DYNC1LI1: variants seen among roughly 807,000 people sequenced by gnomAD.
The protein encoded by DYNC1LI1 is dynein cytoplasmic 1 light intermediate chain 1.
In DYNC1LI1, 19 loss-of-function variants were observed where a neutral mutation model predicts 63.8. The observed-to-expected ratio is 0.30, with a 90% CI of 0.21 to 0.44. The LOEUF (loss-of-function observed/expected upper bound fraction) is 0.44, where lower values mean the gene tolerates loss of function less well. Among genes scored for constraint, DYNC1LI1 ranks in the 20% least tolerant of loss-of-function variants. The pLI is 1.00. For synonymous variants in DYNC1LI1, 225 were observed against 232.3 expected (o/e 0.97, Z 0.28); for missense variants, 565 against 630.2 (o/e 0.90, Z 1.11).
chr3:32,534,038 G>A lies in DYNC1LI1; in HGVS notation c.968+473C>T, dbSNP rs1032701596. On this transcript the variant is annotated intron_variant, in intron 7 of 12. Transcript: ENST00000273130. The stretch of plus-strand genomic sequence containing the variant: ...ACTACAGGTGTGCACCACCACACCC[G>A]GGCTAATTTTTGTATTTTTCATTAG... 5.9e-5 allele frequency among the ~76,000 whole-genome samples: 9 copies of A among 151,844 alleles called. No homozygotes were observed. The East Asian group carries it at 7.8e-4, about 13-fold the overall frequency.
Position 32,537,927 on chromosome 3 carries a change from A to AAATATATATAATT in DYNC1LI1, c.739-824_739-823insAATTATATATATT, listed in dbSNP as rs1559436136. Among the ~76,000 whole-genome samples the AAATATATATAATT allele has an allele frequency of 1.7e-3, 58 of 33,254 alleles. 3 individuals are homozygous for AAATATATATAATT. Among genetic ancestry groups the AAATATATATAATT allele is most frequent in the Admixed American group, 3.4e-3 (6 of 1,756 alleles). 21.8% of individuals were successfully genotyped at this position (33,254 alleles called of 152,430 possible). On this transcript the variant is annotated intron_variant, in intron 5 of 12. Coordinates refer to ENST00000273130, the MANE Select transcript of DYNC1LI1 (RefSeq NM_016141.4). ...TATATATATATAATTTATATATATA[A>AAATATATATAATT]TATATATATAATATATATATAATTT...
chr3:32,551,421 A>G (rs987781229), intron 2 of DYNC1LI1, among the ~76,000 whole-genome samples: 1 of 152,198 alleles, frequency 6.6e-6, no homozygotes, highest in Non-Finnish European at 1.5e-5. Flanking sequence ...GGGGAAAGGA[A>G]GCAAAAGGTG....
At chr3:32,553,672 T>A (rs1213426741) in intron 2 of DYNC1LI1, among the ~76,000 whole-genome samples, 1 of 152,178 alleles carries the variant, frequency 6.6e-6, no homozygotes, top group East Asian at 1.9e-4. Flanking sequence ...CATACAGCAG[T>A]GAACACTTAC....
At chr3:32,542,408 ATTTTTTTT>A (rs35822448) in intron 4 of DYNC1LI1, among the ~76,000 whole-genome samples, 4 of 133,730 alleles carry the variant, frequency 3.0e-5, no homozygotes. Flanking sequence ...GCTATTTTCA[ATTTTTTTT>A]TTTTTTTTTT....
intron 7 of DYNC1LI1, among the ~76,000 whole-genome samples, 178 bp from the exon 8 acceptor site, chr3:32,533,275 G>C (rs1336813298): frequency 6.6e-6 from 1 of 152,028 alleles, no homozygotes; most frequent in African/African-American, 2.4e-5. Flanking sequence ...TGAAAGCCTG[G>C]GCAACATGCC....
chr3:32,562,225 C>T (rs1403630470), intron 2 of DYNC1LI1, among the ~76,000 whole-genome samples: 2 of 151,826 alleles, frequency 1.3e-5, no homozygotes, highest in Non-Finnish European at 1.5e-5. Context: ...ATTACACTAC[C>T]GCACTCCAGC....
rs1697799562 is a variant in DYNC1LI1 at position 32,537,913 on chromosome 3, AATT to A, written c.739-812_739-810del. Among the ~76,000 whole-genome samples the A allele has an allele frequency of 4.1e-5, 3 of 72,792 alleles. 1 individual carries two copies. The highest frequency in any genetic ancestry group is 2.0e-4 in the African/African-American group (3 of 14,662). 47.8% of individuals were successfully genotyped at this position (72,792 alleles called of 152,430 possible). A position where few individuals can be genotyped will look rare whatever the true frequency, so the allele number is the denominator to read the frequency against. On this transcript the variant is annotated intron_variant, in intron 5 of 12. Coordinates refer to ENST00000273130, the MANE Select transcript of DYNC1LI1 (RefSeq NM_016141.4). ...ATTTATATATATAATATATATATAT[AATT>A]TATATATATAATATATATATAATAT...
intron 2 of DYNC1LI1, among the ~76,000 whole-genome samples, chr3:32,559,248 T>C (rs1197698878): frequency 6.6e-6 from 1 of 151,640 alleles, no homozygotes; most frequent in Non-Finnish European, 1.5e-5. Context: ...ATATAGTTTT[T>C]GTGTGTGTGT....
intron 2 of DYNC1LI1, among the ~76,000 whole-genome samples, chr3:32,556,804 G>A (rs186163319): frequency 6.6e-6 from 1 of 152,222 alleles, no homozygotes; most frequent in East Asian, 1.9e-4. Context: ...AAAATGTTAT[G>A]GTAACAGTCA....
chr3:32,550,949 T>C (rs1390475950), intron 2 of DYNC1LI1, among the ~76,000 whole-genome samples: 2 of 151,262 alleles, frequency 1.3e-5, no homozygotes, highest in Non-Finnish European at 2.9e-5. Context: ...TCAAGTGAGA[T>C]CCCATCTCTA....
chr3:32,530,036 A>G (rs1006885893), intron 10 of DYNC1LI1, among the ~76,000 whole-genome samples: 5 of 152,184 alleles, frequency 3.3e-5, no homozygotes, highest in African/African-American at 7.2e-5. Flanking sequence ...AATGGGGCTA[A>G]TAACAGTCCT....
chr3:32,539,127 T>C, intron 5 of DYNC1LI1, among the ~76,000 whole-genome samples: 1 of 152,000 alleles, frequency 6.6e-6, no homozygotes, highest in East Asian at 1.9e-4. Flanking sequence ...CAAAACAAAA[T>C]AAAAAACAAA....
At chr3:32,567,820 C>T (rs1698289476) in intron 2 of DYNC1LI1, among the ~76,000 whole-genome samples, 1 of 151,852 alleles carries the variant, frequency 6.6e-6, no homozygotes, top group Non-Finnish European at 1.5e-5. Flanking sequence ...TCTCCTGCCT[C>T]AGCCTCCCGA....
rs544056911 is a variant in DYNC1LI1 at position 32,561,279 on chromosome 3, GAAT to G, written c.220+9064_220+9066del. 5.9e-4 allele frequency among the ~76,000 whole-genome samples: 89 copies of G among 151,526 alleles called. No individual in the cohort carries two copies. The South Asian group carries it at 0.016, about 27-fold the overall frequency. ...CTACTAGATAGCCAAAGATTAAAAT[GAAT>G]AATACTTAGTATTGGCAATGGTGCT... On this transcript the variant is annotated intron_variant, in intron 2 of 12. Coordinates refer to ENST00000273130, the MANE Select transcript of DYNC1LI1 (RefSeq NM_016141.4).
At chr3:32,566,663 AG>A in intron 2 of DYNC1LI1, 1 of 424,008 alleles carries the variant, frequency 2.4e-6, no homozygotes, top group Admixed American at 2.7e-5. Flanking sequence ...GCTTGAACCT[AG>A]GAGGTGGAGG....
chr3:32,530,404 C>T, intron 9 of DYNC1LI1, 57 bp downstream of exon 9: 2 of 1,598,086 alleles, frequency 1.3e-6, no homozygotes. Flanking sequence ...AGAAAATACA[C>T]ACAAGAACAG....
At chr3:32,547,234 C>G (rs899237922) in intron 2 of DYNC1LI1, among the ~76,000 whole-genome samples, 1 of 151,610 alleles carries the variant, frequency 6.6e-6, no homozygotes, top group Non-Finnish European at 1.5e-5. Context: ...CAGAGTGAGG[C>G]TCTGTCTCAA....
In DYNC1LI1 at chr3:32,526,678, C is replaced by CACACACA; in HGVS notation, c.*120_*121insTGTGTGT. The CACACACA allele has an allele frequency of 1.4e-6, 1 of 693,958 alleles. No individual in the cohort carries two copies. The highest frequency in any genetic ancestry group is 1.8e-5 in the African/African-American group (1 of 55,386). 43.0% of individuals were successfully genotyped at this position (693,958 alleles called of 1,614,324 possible). A position where few individuals can be genotyped will look rare whatever the true frequency, so the allele number is the denominator to read the frequency against. Reference sequence around the variant, plus strand: ...CCACACACACACACACACACACACACGACATAAATTTAGTCCATCTGAAGA... The same window carrying CACACACA: ...CCACACACACACACACACACACACACACACACAGACATAAATTTAGTCCATCTGAAGA... On this transcript the variant is annotated 3_prime_UTR_variant, in exon 13 of 13. Coordinates refer to ENST00000273130, the MANE Select transcript of DYNC1LI1 (RefSeq NM_016141.4).
intron 7 of DYNC1LI1, among the ~76,000 whole-genome samples, chr3:32,534,251 T>C (rs1330309235): frequency 3.3e-5 from 5 of 152,074 alleles, no homozygotes; most frequent in Admixed American, 1.3e-4. Flanking sequence ...AATAAGCAGA[T>C]ACAATACACT....
Sources: allele counts gnomAD v4.1 joint callset (sites outside exome capture counted in the v4.1 genomes callset), GRCh38; gene constraint gnomAD v4.1.1; transcripts MANE v1.5; gene names NCBI Gene and HGNC (gene_info 2026-07-23, HGNC 2026-07-21).